The following ADAMTS17 variants were observed in gnomAD, a reference collection of about 807,000 sequenced individuals.
ADAMTS17 encodes the protein ADAM metallopeptidase with thrombospondin type 1 motif 17.
A neutral mutation model predicts 141.5 loss-of-function variants in ADAMTS17; 113 were observed. The observed-to-expected ratio is 0.80, with a 90% CI of 0.69 to 0.93. The LOEUF (loss-of-function observed/expected upper bound fraction) is 0.93. Ranked by LOEUF, ADAMTS17 falls within the 40% of genes least tolerant of loss-of-function variation. The pLI, the probability that ADAMTS17 is intolerant of heterozygous loss-of-function variation, is 0.00. For synonymous variants in ADAMTS17, 768 were observed against 630.6 expected, an observed-to-expected ratio of 1.22 and a Z score of -3.27; for missense variants, 1,659 against 1,517.9, an observed-to-expected ratio of 1.09 and a Z score of -1.54.
chr15:100,237,220 C>A (rs1034735267), intron 7 of ADAMTS17, among the ~76,000 whole-genome samples: 1 of 152,202 alleles, frequency 6.6e-6, no homozygotes, highest in Non-Finnish European at 1.5e-5. Context: ...CTGGCGCCTA[C>A]AGGAGGCGAC....
chr15:100,051,926 G>A (rs1049912925), intron 16 of ADAMTS17, among the ~76,000 whole-genome samples, 195 bp from the exon 17 acceptor site: 10 of 152,208 alleles, frequency 6.6e-5, no homozygotes, highest in Non-Finnish European at 7.3e-5. Flanking sequence ...CAACTGAGGA[G>A]TGGGGTGAAT....
chr15:100,096,398 A>T lies in ADAMTS17; in HGVS notation c.2095T>A (p.Cys699Ser), dbSNP rs776396406. 6.2e-7 allele frequency: 1 copy of T among 1,614,158 alleles called. No homozygotes were observed. The highest frequency in any genetic ancestry group is 8.5e-7 in the Non-Finnish European group (1 of 1,180,036). Residue 699 changes from cysteine (C) to serine (S), a missense_variant, in exon 15 of 22, where the codon TGC (cysteine) becomes AGC (serine). Physicochemically the swap from Cys to Ser is moderately radical, Grantham distance 112. Coordinates refer to ENST00000268070, the MANE Select transcript of ADAMTS17 (RefSeq NM_139057.4). ...CGVCSGDGKT[C>S]HLVKGDFSHA... ...CTGAAGTCGCCCTTCACCAAGTGGC[A>T]GGTCTTGCCGTCCCCGCTGCAGACC... is the stretch of plus-strand genomic sequence containing the variant.
intron 18 of ADAMTS17, among the ~76,000 whole-genome samples, chr15:100,016,515 G>T (rs1369177980): frequency 6.6e-6 from 1 of 152,204 alleles, no homozygotes; most frequent in Non-Finnish European, 1.5e-5. Context: ...AAAGGTCTAG[G>T]GCTGAAGGCT....
intron 8 of ADAMTS17, among the ~76,000 whole-genome samples, chr15:100,164,466 T>C (rs1172185469): frequency 6.6e-6 from 1 of 152,204 alleles, no homozygotes. Flanking sequence ...GCACTGAGAA[T>C]ACAGAGTTTA....
chr15:100,199,231 T>C, intron 8 of ADAMTS17, 87 bp downstream of exon 8: 1 of 1,261,624 alleles, frequency 7.9e-7, no homozygotes, highest in South Asian at 1.2e-5. Context: ...AGAGCAGCAC[T>C]GTTTTAGAAC....
chr15:100,178,208 T>C (rs1397064174), intron 8 of ADAMTS17, among the ~76,000 whole-genome samples: 1 of 152,162 alleles, frequency 6.6e-6, no homozygotes, highest in Non-Finnish European at 1.5e-5. Context: ...TGCCATTTTA[T>C]TATTTGTTTT....
At chr15:100,285,115 T>C (rs1436181429) in intron 3 of ADAMTS17, among the ~76,000 whole-genome samples, 2 of 152,158 alleles carry the variant, frequency 1.3e-5, no homozygotes, top group Non-Finnish European at 2.9e-5. Context: ...ACTTGGAAAA[T>C]TTTCAGTCTC....
chr15:100,341,493 G>C (rs2046365913), intron 1 of ADAMTS17, 84 bp from the exon 2 acceptor site: 2 of 997,768 alleles, frequency 2.0e-6, no homozygotes, highest in African/African-American at 3.5e-5. Context: ...GCGCCAGCGC[G>C]GGGACAGCGC....
At chr15:100,268,142 CA>C (rs2043784590) in intron 4 of ADAMTS17, among the ~76,000 whole-genome samples, 1 of 149,530 alleles carries the variant, frequency 6.7e-6, no homozygotes, top group Non-Finnish European at 1.5e-5. Flanking sequence ...TTCTTTTTTA[CA>C]GCTGTGTAGT....
intron 7 of ADAMTS17, among the ~76,000 whole-genome samples, chr15:100,250,005 A>C (rs2043105138): frequency 6.6e-6 from 1 of 152,174 alleles, no homozygotes; most frequent in African/African-American, 2.4e-5. Context: ...AGCTGTGTGG[A>C]AGTACTGGAT....
chr15:100,203,312 C>A (rs983554313), intron 7 of ADAMTS17, among the ~76,000 whole-genome samples: 1 of 152,190 alleles, frequency 6.6e-6, no homozygotes, highest in African/African-American at 2.4e-5. Context: ...GTGGCTCATG[C>A]CTGTAATCCC....
At chr15:100,115,279 G>A (rs908288108) in intron 13 of ADAMTS17, among the ~76,000 whole-genome samples, 1 of 152,206 alleles carries the variant, frequency 6.6e-6, no homozygotes, top group Non-Finnish European at 1.5e-5. Context: ...GGCAAAGGCC[G>A]GTGTGCAACT....
At chr15:99,983,169 G>A (rs911847940) in intron 20 of ADAMTS17, among the ~76,000 whole-genome samples, 1 of 152,094 alleles carries the variant, frequency 6.6e-6, no homozygotes, top group African/African-American at 2.4e-5. Flanking sequence ...AGTCACCGTC[G>A]CAGCAGGGCC....
intron 3 of ADAMTS17, among the ~76,000 whole-genome samples, chr15:100,326,419 A>T (rs1262202934): frequency 6.6e-6 from 1 of 152,198 alleles, no homozygotes; most frequent in Non-Finnish European, 1.5e-5. Context: ...CAAATTTCAG[A>T]GGGATTGGCC....
chr15:100,025,521 C>G (rs8042760), intron 18 of ADAMTS17, among the ~76,000 whole-genome samples: 6,432 of 151,698 alleles, frequency 0.042, 452 homozygotes, highest in African/African-American at 0.15. Flanking sequence ...AAGCAATTCT[C>G]CTGCCTCAGC....
intron 12 of ADAMTS17, 22 bp downstream of exon 12, chr15:100,131,985 T>A: frequency 6.2e-7 from 1 of 1,614,090 alleles, no homozygotes; most frequent in Non-Finnish European, 8.5e-7. Flanking sequence ...CACGTTGGGG[T>A]ATGGCTGGTC....
intron 15 of ADAMTS17, among the ~76,000 whole-genome samples, chr15:100,063,972 T>C (rs1437670039): frequency 6.6e-6 from 1 of 152,128 alleles, no homozygotes; most frequent in African/African-American, 2.4e-5. Flanking sequence ...GGTTGAGTGG[T>C]GTCCCCCTCC....
Position 100,195,145 on chromosome 15 carries a change from G to A in ADAMTS17, c.1181+4173C>T, listed in dbSNP as rs537780688. On this transcript the variant is annotated intron_variant, in intron 8 of 21. Coordinates refer to ENST00000268070, the MANE Select transcript of ADAMTS17 (RefSeq NM_139057.4). ...ACCAAGGGCACGGGTGTACATTTAG[G>A]AGCCTCCAGGCTGTTGTTAGCGTGA... 5.8e-4 allele frequency among the ~76,000 whole-genome samples: 89 copies of A among 152,322 alleles called. No homozygotes were observed. In the Middle Eastern group the frequency reaches 0.01, roughly 17 times the overall value.
chr15:100,077,370 G>T (rs939931183), intron 15 of ADAMTS17, among the ~76,000 whole-genome samples: 7 of 147,444 alleles, frequency 4.7e-5, no homozygotes, highest in Non-Finnish European at 8.9e-5. Context: ...GCTGAGGCAC[G>T]AGAATCGCTT....
Sources: allele counts gnomAD v4.1 joint callset (sites outside exome capture counted in the v4.1 genomes callset), GRCh38; gene constraint gnomAD v4.1.1; transcripts MANE v1.5; gene names NCBI Gene and HGNC (gene_info 2026-07-23, HGNC 2026-07-21).